SNTG1: variants seen among roughly 807,000 people sequenced by gnomAD.
The protein encoded by SNTG1 is gamma-1-syntrophin.
In SNTG1, 39 loss-of-function variants were observed where a neutral mutation model predicts 74.7. The observed-to-expected ratio is 0.52, with a 90% CI of 0.40 to 0.68. SNTG1 has a LOEUF of 0.68. Among genes scored for constraint, SNTG1 ranks in the 30% least tolerant of loss-of-function variants. The pLI, the probability that SNTG1 is intolerant of heterozygous loss-of-function variation, is 0.00. For missense variants in SNTG1, 685 were observed against 609.5 expected (o/e 1.12, Z -1.30); for synonymous variants, 254 against 217.1 (o/e 1.17, Z -1.49).
At chr8:50,474,890 T>C (rs1238727271) in intron 8 of SNTG1, among the ~76,000 whole-genome samples, 1 of 151,988 alleles carries the variant, frequency 6.6e-6, no homozygotes, top group Non-Finnish European at 1.5e-5. Context: ...TGGAATACTA[T>C]GCAGCCATAA....
chr8:50,447,175 ACT>A (rs1232712240), intron 5 of SNTG1, among the ~76,000 whole-genome samples: 2 of 151,884 alleles, frequency 1.3e-5, no homozygotes, highest in African/African-American at 4.8e-5. Flanking sequence ...CCTCAGAAAA[ACT>A]CTATCTCAAA....
chr8:50,565,674 G>A (rs1304254229), intron 12 of SNTG1, among the ~76,000 whole-genome samples: 2 of 151,918 alleles, frequency 1.3e-5, no homozygotes, highest in East Asian at 1.9e-4. Context: ...GCAAAAAATG[G>A]TTAGTCTCTG....
At chr8:50,199,095 A>T (rs1167234109) in intron 2 of SNTG1, among the ~76,000 whole-genome samples, 1 of 152,016 alleles carries the variant, frequency 6.6e-6, no homozygotes, top group African/African-American at 2.4e-5. Context: ...ACGGTGGAAG[A>T]TAGTTTCTTC....
At chr8:50,197,261 G>A (rs1563726800) in intron 2 of SNTG1, among the ~76,000 whole-genome samples, 1 of 152,138 alleles carries the variant, frequency 6.6e-6, no homozygotes, top group Non-Finnish European at 1.5e-5. Flanking sequence ...ATACATTTAT[G>A]TGTATGTGTG....
At chr8:50,195,288 C>A (rs552557246) in intron 2 of SNTG1, among the ~76,000 whole-genome samples, 1 of 151,948 alleles carries the variant, frequency 6.6e-6, no homozygotes, top group South Asian at 2.1e-4. Context: ...TCACTCCCAC[C>A]GTGACCCCCA....
intron 2 of SNTG1, among the ~76,000 whole-genome samples, chr8:50,269,617 G>A (rs1306470017): frequency 6.6e-6 from 1 of 152,176 alleles, no homozygotes; most frequent in South Asian, 2.1e-4. Flanking sequence ...TCAAAGTATG[G>A]TACTCACATT....
intron 9 of SNTG1, among the ~76,000 whole-genome samples, chr8:50,510,298 G>C (rs2094056986): frequency 6.6e-6 from 1 of 152,180 alleles, no homozygotes; most frequent in Admixed American, 6.5e-5. Context: ...TTTTTGATGT[G>C]CTGCTGGATT....
intron 2 of SNTG1, among the ~76,000 whole-genome samples, chr8:50,234,675 T>C (rs761884886): frequency 7.9e-5 from 12 of 152,056 alleles, no homozygotes; most frequent in Non-Finnish European, 1.2e-4. Context: ...AATTAAAATG[T>C]GTTACATCTA....
chr8:50,779,626 A>G (rs1234725694), intron 18 of SNTG1, among the ~76,000 whole-genome samples: 1 of 152,116 alleles, frequency 6.6e-6, no homozygotes, highest in Non-Finnish European at 1.5e-5. Flanking sequence ...GGTTTTCTAG[A>G]TATACAATCA....
intron 2 of SNTG1, among the ~76,000 whole-genome samples, chr8:50,351,080 A>G (rs1441769246): frequency 6.6e-6 from 1 of 152,264 alleles, no homozygotes; most frequent in East Asian, 1.9e-4. Flanking sequence ...AGTGAGACCA[A>G]GAACCCACCA....
chr8:50,245,476 A>T (rs1216503815), intron 2 of SNTG1, among the ~76,000 whole-genome samples: 2 of 152,150 alleles, frequency 1.3e-5, no homozygotes, highest in Non-Finnish European at 2.9e-5. Flanking sequence ...TGAGATCAAA[A>T]GATCGAGACC....
chr8:50,740,077 TG>T (rs2095539333), intron 17 of SNTG1, among the ~76,000 whole-genome samples: 1 of 151,928 alleles, frequency 6.6e-6, no homozygotes, highest in Non-Finnish European at 1.5e-5. Flanking sequence ...GATTTCATGA[TG>T]AAGATGCCAA....
At chr8:50,145,556 G>C (rs1250008655) in intron 1 of SNTG1, among the ~76,000 whole-genome samples, 2 of 152,128 alleles carry the variant, frequency 1.3e-5, no homozygotes, top group African/African-American at 4.8e-5. Flanking sequence ...TGAAACTCTA[G>C]GGATGAAGCC....
chr8:50,090,783 A>T (rs902600871), intron 1 of SNTG1, among the ~76,000 whole-genome samples: 2 of 152,168 alleles, frequency 1.3e-5, no homozygotes, highest in African/African-American at 4.8e-5. Context: ...ATCTCTGCAC[A>T]TGTTGTACTA....
chr8:50,620,091 G>C (rs1585866121), intron 13 of SNTG1, among the ~76,000 whole-genome samples: 1 of 152,064 alleles, frequency 6.6e-6, no homozygotes, highest in South Asian at 2.1e-4. Flanking sequence ...CTTTCCAGGG[G>C]ATCTAAGGGA....
chr8:50,434,396 T>C (rs1448148775), intron 4 of SNTG1, among the ~76,000 whole-genome samples: 2 of 152,170 alleles, frequency 1.3e-5, no homozygotes, highest in African/African-American at 4.8e-5. Context: ...ATCCTTTGGG[T>C]AGATACTCAG....
At chr8:50,698,482 G>A (rs543883222) in intron 15 of SNTG1, among the ~76,000 whole-genome samples, 1 of 152,234 alleles carries the variant, frequency 6.6e-6, no homozygotes, top group South Asian at 2.1e-4. Flanking sequence ...GGTGGGGGAA[G>A]GGGGTGAAGT....
At chr8:50,736,881 C>T (rs190997829) in intron 17 of SNTG1, among the ~76,000 whole-genome samples, 41 of 151,994 alleles carry the variant, frequency 2.7e-4, no homozygotes, top group African/African-American at 8.2e-4. Context: ...AAAGACACAA[C>T]GTACCGGAAT....
intron 2 of SNTG1, among the ~76,000 whole-genome samples, chr8:50,391,507 A>C (rs984879711): frequency 2.0e-5 from 3 of 152,188 alleles, no homozygotes; most frequent in Non-Finnish European, 4.4e-5. Context: ...ATCAATGTTC[A>C]TCAGGAGTAT....
Sources: allele counts gnomAD v4.1 joint callset (sites outside exome capture counted in the v4.1 genomes callset), GRCh38; gene constraint gnomAD v4.1.1; transcripts MANE v1.5; gene names NCBI Gene and HGNC (gene_info 2026-07-23, HGNC 2026-07-21).